CPLX1: variants seen among roughly 807,000 people sequenced by gnomAD.
CPLX1 encodes the protein complexin-1.
Under a neutral mutation model 15.6 loss-of-function variants are expected in CPLX1, and 6 were observed. That is an observed-to-expected ratio of 0.39 (90% CI 0.21 to 0.76). CPLX1 has a LOEUF of 0.76. CPLX1 is among the 30% of genes least tolerant of loss of function. The pLI is 0.43. For synonymous variants in CPLX1, 91 were observed against 75.2 expected, an observed-to-expected ratio of 1.21 and a Z score of -1.08; for missense variants, 242 against 188.6, an observed-to-expected ratio of 1.28 and a Z score of -1.66.
intron 3 of CPLX1, chr4:787,069 G>A (rs1746017969): frequency 3.0e-6 from 3 of 985,344 alleles, no homozygotes; most frequent in South Asian, 4.7e-5. Flanking sequence ...AGGATGCTGC[G>A]TGGCAGAGGT....
rs180699357 is a variant in CPLX1 at position 789,215 on chromosome 4, C to T, written c.208-2517G>A. Among the ~76,000 whole-genome samples, 789 of 152,286 alleles carry T rather than the reference C, an allele frequency of 5.2e-3. 8 individuals carry two copies. The highest frequency in any genetic ancestry group is 6.9e-3 in the Non-Finnish European group (471 of 68,010). On this transcript the variant is annotated intron_variant, in intron 3 of 3. Transcript: ENST00000304062. ...CACGTGGTCTGGCTGAGACCCAGTT[C>T]TGAGGCGTCTGCTCCAGAGACAAAC...
chr4:821,877 C>T (rs903992652), intron 2 of CPLX1, among the ~76,000 whole-genome samples: 10 of 152,220 alleles, frequency 6.6e-5, no homozygotes, highest in African/African-American at 1.4e-4. Flanking sequence ...CTCACACCTG[C>T]GGCCCAGCCT....
intron 1 of CPLX1, among the ~76,000 whole-genome samples, chr4:825,690 C>A (rs560522108): frequency 2.1e-5 from 3 of 144,790 alleles, no homozygotes; most frequent in African/African-American, 7.7e-5. Flanking sequence ...ACCGCGGGGG[C>A]CGCTTCAGCA....
chr4:819,695 G>A (rs918976724), intron 2 of CPLX1, among the ~76,000 whole-genome samples: 8 of 152,212 alleles, frequency 5.3e-5, no homozygotes, highest in African/African-American at 1.9e-4. Context: ...AGTAGGACGG[G>A]CCCACCCTGG....
At chr4:786,792 A>C in intron 3 of CPLX1, 94 bp from the exon 4 acceptor site, 1 of 1,471,070 alleles carries the variant, frequency 6.8e-7, no homozygotes. Flanking sequence ...GAACCCCCGA[A>C]GGCGTGGGTG....
At chr4:820,291 G>A (rs914534455) in intron 2 of CPLX1, among the ~76,000 whole-genome samples, 2 of 152,228 alleles carry the variant, frequency 1.3e-5, no homozygotes, top group Non-Finnish European at 2.9e-5. Flanking sequence ...CAGAGAGCCT[G>A]ATCAGTGGCC....
chr4:825,492 G>C (rs1288452380), intron 1 of CPLX1, among the ~76,000 whole-genome samples: 1 of 151,950 alleles, frequency 6.6e-6, no homozygotes, highest in Non-Finnish European at 1.5e-5. Flanking sequence ...GCGCGGGGAA[G>C]GAGGGCACGG....
chr4:786,624 C>G lies in CPLX1; in HGVS notation c.282G>C (p.Leu94Phe). The change falls in exon 4 of 4, where the codon TTG becomes TTC. Residue 94 changes from leucine (L) to phenylalanine (F), a missense_variant. By Grantham distance (22) the Leu-to-Phe change is conservative. Transcript: ENST00000304062. ...GCGGGATGGCCTTCTTGGGCCGCGT[C>G]AAGCTCCCCTCGGAGTTGGCCTCCA... ...AAMEANSEGSLTRPKKAIPPG... is the reference protein window; with the variant it reads ...AAMEANSEGSFTRPKKAIPPG... 6.2e-7 allele frequency: 1 copy of G among 1,612,676 alleles called. No homozygotes were observed. Among genetic ancestry groups the G allele is most frequent in the Non-Finnish European group, 8.5e-7 (1 of 1,179,492 alleles).
chr4:786,842 G>C, intron 3 of CPLX1, 144 bp from the exon 4 acceptor site: 1 of 1,384,154 alleles, frequency 7.2e-7, no homozygotes, highest in Non-Finnish European at 9.3e-7. Flanking sequence ...ACCCCAGAAG[G>C]AGAAGAGACC....
intron 3 of CPLX1, among the ~76,000 whole-genome samples, chr4:789,579 G>T (rs963585523): frequency 1.3e-5 from 2 of 152,192 alleles, no homozygotes; most frequent in Non-Finnish European, 2.9e-5. Context: ...GAAGGCCCAG[G>T]TGTGGGCTGC....
intron 2 of CPLX1, among the ~76,000 whole-genome samples, chr4:797,168 C>T (rs1370168731): frequency 2.0e-5 from 3 of 152,252 alleles, no homozygotes; most frequent in Non-Finnish European, 4.4e-5. Context: ...TTGCCACTCT[C>T]TGGCCCGTCA....
At chr4:823,813 G>A (rs1374977918) in intron 2 of CPLX1, among the ~76,000 whole-genome samples, 3 of 152,246 alleles carry the variant, frequency 2.0e-5, no homozygotes, top group Non-Finnish European at 2.9e-5. Flanking sequence ...AAGTGGGGAC[G>A]AGGTTCCTTT....
chr4:797,257 T>C lies in CPLX1; in HGVS notation c.32-4649A>G, dbSNP rs537866628. Among the ~76,000 whole-genome samples, 11 of 152,332 alleles carry C rather than the reference T, an allele frequency of 7.2e-5. No individual in the cohort carries two copies. The East Asian group carries it at 9.7e-4, about 13-fold the overall frequency. On this transcript the variant is annotated intron_variant, in intron 2 of 3. Transcript: ENST00000304062. ...GTTTGTTTGCTTCTGATTGCCAGTC[T>C]GCTAACAGAAAGCCCCATGGGAGCA...
intron 3 of CPLX1, chr4:787,621 G>A (rs3816678): frequency 6.4e-6 from 6 of 936,432 alleles, no homozygotes; most frequent in East Asian, 1.2e-4. Flanking sequence ...CCAGGGATTC[G>A]GGGCCGCCAG....
At chr4:812,074 T>C (rs1310692450) in intron 2 of CPLX1, among the ~76,000 whole-genome samples, 2 of 152,164 alleles carry the variant, frequency 1.3e-5, no homozygotes, top group Non-Finnish European at 2.9e-5. Flanking sequence ...AGAGTCTTTA[T>C]ATATTTATTT....
At chr4:814,087 C>T (rs1214644908) in intron 2 of CPLX1, among the ~76,000 whole-genome samples, 3 of 152,230 alleles carry the variant, frequency 2.0e-5, no homozygotes, top group African/African-American at 7.2e-5. Context: ...GCCTCTCTCC[C>T]GTCCAGCAGG....
At chr4:795,805 TGG>T (rs113411399) in intron 2 of CPLX1, among the ~76,000 whole-genome samples, 2 of 93,406 alleles carry the variant, frequency 2.1e-5, no homozygotes, top group African/African-American at 6.8e-5. Flanking sequence ...GGAGAGGGGG[TGG>T]GGGGGGGGTG....
In CPLX1 at chr4:788,012, G is replaced by A. The variant is rs148283094; in HGVS notation, c.208-1314C>T. 125 of 985,426 alleles carry A rather than the reference G, an allele frequency of 1.3e-4. No individual in the cohort carries two copies. The African/African-American group carries it at 1.7e-3, about 13-fold the overall frequency. 61.0% of individuals were successfully genotyped at this position (985,426 alleles called of 1,614,324 possible). On this transcript the variant is annotated intron_variant, in intron 3 of 3. Transcript: ENST00000304062. ...ACAGGTGCTCTGGAGTAGTGAAGGC[G>A]TCAGCAGCTGCGTCCAGGAGAAAAC...
At chr4:796,157 T>C (rs1227673291) in intron 2 of CPLX1, among the ~76,000 whole-genome samples, 2 of 152,228 alleles carry the variant, frequency 1.3e-5, no homozygotes, top group Non-Finnish European at 2.9e-5. Context: ...TTATACATAA[T>C]GTATATGTAA....
Sources: gnomAD v4.1 joint callset for allele counts (sites outside exome capture counted in the v4.1 genomes callset) on GRCh38, gnomAD v4.1.1 for gene constraint, MANE v1.5 for transcripts, NCBI Gene and HGNC (gene_info 2026-07-23, HGNC 2026-07-21) for gene names.